EXT2: variants seen among roughly 807,000 people sequenced by gnomAD.
EXT2 encodes exostosin-2.
A neutral mutation model predicts 81.6 loss-of-function variants in EXT2; 53 were observed. That is an observed-to-expected ratio of 0.65 (90% CI 0.52 to 0.82). The LOEUF (loss-of-function observed/expected upper bound fraction) is 0.82. EXT2 is among the 40% of genes least tolerant of loss of function. The pLI is 0.00. For missense variants in EXT2, 774 were observed against 910.2 expected (o/e 0.85, Z 1.93); for synonymous variants, 320 against 340.0 (o/e 0.94, Z 0.65).
At chr11:44,125,720 G>A (rs899080117) in intron 5 of EXT2, among the ~76,000 whole-genome samples, 2 of 151,870 alleles carry the variant, frequency 1.3e-5, no homozygotes, top group East Asian at 3.9e-4. Flanking sequence ...GCCCATACTG[G>A]GATTGTAAAA....
In EXT2 at chr11:44,220,362, T is replaced by A. The variant is rs1165715078; in HGVS notation, c.1663-11991T>A. On this transcript the variant is annotated intron_variant, in intron 10 of 13. Coordinates refer to ENST00000533608, the MANE Select transcript of EXT2 (RefSeq NM_207122.2). This position sits in a 1 kb window ranked among gnomAD's most constrained non-coding sequence, Gnocchi z 4.4. ...CTGAGTAAGCAACAGTTCCCCCGAG[T>A]ACCTTTCCTTAGCCTGGCCATAATG... Among the ~76,000 whole-genome samples the A allele has an allele frequency of 6.6e-6, 1 of 152,186 alleles. No individual in the cohort carries two copies. The highest frequency in any genetic ancestry group is 1.5e-5 in the Non-Finnish European group (1 of 68,026).
Position 44,232,398 on chromosome 11 carries a change from C to T in EXT2, c.1708C>T (p.Leu570=), listed in dbSNP as rs1955909859. Residue 570 remains leucine, a synonymous_variant, in exon 11 of 14, where the codon CTG becomes TTG. Transcript: ENST00000533608. ...CCGGTTGGTGGGTTACCCGGGTCGTCTGCATCTCTGGGACCATGAGATGAA... is the reference window on the plus strand; with the variant it reads ...CCGGTTGGTGGGTTACCCGGGTCGTTTGCATCTCTGGGACCATGAGATGAA... The part of the protein sequence containing the change: ...PDRLVGYPGR[L]HLWDHEMNKW... 2 of 1,613,924 alleles carry T rather than the reference C, an allele frequency of 1.2e-6. No homozygotes were observed. The highest frequency in any genetic ancestry group is 2.7e-5 in the African/African-American group (2 of 74,904).
chr11:44,202,356 AT>A (rs1414016286), intron 9 of EXT2, among the ~76,000 whole-genome samples: 1 of 152,256 alleles, frequency 6.6e-6, no homozygotes, highest in Admixed American at 6.5e-5. Context: ...TCCATCCAGT[AT>A]AGAGGTACGT....
In EXT2 at chr11:44,206,588, TATATGTGTAC is replaced by T. The variant is rs534524430; in HGVS notation, c.1496-204_1496-195del. Reference sequence around the variant, plus strand: ...ATAGTATGTGTGTATATATGTTGTATATATGTGTACGTGCAGTATATATATTTTTTATTAT... The same window carrying T: ...ATAGTATGTGTGTATATATGTTGTATGTGCAGTATATATATTTTTTATTAT... On this transcript the variant is annotated intron_variant, in intron 9 of 13. Coordinates refer to ENST00000533608, the MANE Select transcript of EXT2 (RefSeq NM_207122.2). Among the ~76,000 whole-genome samples, 837 of 152,306 alleles carry T rather than the reference TATATGTGTAC, an allele frequency of 5.5e-3. 12 individuals carry two copies. Among genetic ancestry groups the T allele is most frequent in the African/African-American group, 0.019 (792 of 41,554 alleles).
intron 8 of EXT2, among the ~76,000 whole-genome samples, chr11:44,177,014 C>T (rs575394296): frequency 6.6e-6 from 1 of 151,716 alleles, no homozygotes; most frequent in South Asian, 2.1e-4. Flanking sequence ...TGCTTTGTCA[C>T]TCTTATCTGT....
rs962656321 is a variant in EXT2 at position 44,150,301 on chromosome 11, AC to A, written c.1173+20164del. Among the ~76,000 whole-genome samples the A allele has an allele frequency of 1.1e-4, 3 of 26,502 alleles. No individual in the cohort carries two copies. The Admixed American group carries it at 1.9e-3, about 17-fold the overall frequency. 17.4% of individuals were successfully genotyped at this position (26,502 alleles called of 152,430 possible). On this transcript the variant is annotated intron_variant, in intron 7 of 13. Transcript: ENST00000533608. Reference sequence around the variant, plus strand: ...CATAATTGTGTTTGTTAATATTAAAACTTTTTTTTTCCTTTTCACTACATAT... The same window carrying A: ...CATAATTGTGTTTGTTAATATTAAAATTTTTTTTTCCTTTTCACTACATAT...
intron 7 of EXT2, among the ~76,000 whole-genome samples, chr11:44,131,355 T>C: frequency 6.6e-6 from 1 of 152,196 alleles, no homozygotes; most frequent in East Asian, 1.9e-4. Flanking sequence ...GAACTTCTTA[T>C]CGACACAGAT....
chr11:44,099,697 C>A (rs1252443575), intron 1 of EXT2, among the ~76,000 whole-genome samples: 4 of 152,176 alleles, frequency 2.6e-5, no homozygotes, highest in Non-Finnish European at 5.9e-5. Context: ...CAGGAAAAAT[C>A]ACAACCAGTA....
chr11:44,121,068 T>G (rs1367997367), intron 4 of EXT2, among the ~76,000 whole-genome samples: 2 of 152,082 alleles, frequency 1.3e-5, no homozygotes, highest in South Asian at 4.2e-4. Flanking sequence ...GGACACATTT[T>G]TAGACTTGTT....
chr11:44,248,474 G>T lies in EXT2; in HGVS notation c.*4187G>T, dbSNP rs1956113798. 6.6e-6 allele frequency among the ~76,000 whole-genome samples: 1 copy of T among 152,270 alleles called. No homozygotes were observed. The highest frequency in any genetic ancestry group is 2.1e-4 in the South Asian group (1 of 4,818). ...ACCTCCTGTCCTCGGCCTGTGTTTG[G>T]TACTCACCCACTTTCTACTTCTGAG... On this transcript the variant is annotated 3_prime_UTR_variant, in exon 14 of 14. Coordinates refer to ENST00000533608, the MANE Select transcript of EXT2 (RefSeq NM_207122.2).
chr11:44,224,882 T>G (rs1291141359), intron 10 of EXT2, among the ~76,000 whole-genome samples: 2 of 152,198 alleles, frequency 1.3e-5, no homozygotes, highest in Non-Finnish European at 2.9e-5. Flanking sequence ...ACTTGAAATT[T>G]TGAAGGCCCA....
chr11:44,138,212 C>T (rs148835851), intron 7 of EXT2, among the ~76,000 whole-genome samples: 120 of 152,024 alleles, frequency 7.9e-4, no homozygotes, highest in African/African-American at 2.6e-3. Flanking sequence ...AAGGGAAGGA[C>T]GGTAACTAAC....
rs1458160278 is a variant in EXT2 at position 44,146,722 on chromosome 11, AGTTTT to A, written c.1173+16597_1173+16601del. ...AGTTTATTAAGCCTAATAAATGCTC[AGTTTT>A]GTTTTGTTTTGTGGTATCAATGGAA... On this transcript the variant is annotated intron_variant, in intron 7 of 13. Transcript: ENST00000533608. Among the ~76,000 whole-genome samples the A allele has an allele frequency of 2.0e-5, 3 of 152,288 alleles. No homozygotes were observed. In the South Asian group the frequency reaches 6.2e-4, roughly 32 times the overall value.
chr11:44,147,906 C>T (rs970923285), intron 7 of EXT2, among the ~76,000 whole-genome samples: 2 of 151,576 alleles, frequency 1.3e-5, no homozygotes, highest in East Asian at 3.9e-4. Flanking sequence ...TGGGATCCTC[C>T]CTATATTCAA....
chr11:44,124,749 C>G, intron 4 of EXT2, 40 bp from the exon 5 acceptor site: 1 of 1,586,932 alleles, frequency 6.3e-7, no homozygotes, highest in Non-Finnish European at 8.6e-7. Flanking sequence ...ACTAACATAC[C>G]AGCTGCAATT....
intron 5 of EXT2, among the ~76,000 whole-genome samples, chr11:44,125,252 C>T (rs555111112): frequency 2.0e-5 from 3 of 152,218 alleles, no homozygotes; most frequent in South Asian, 4.2e-4. Context: ...CTCATAGATT[C>T]GCAGACAAGC....
intron 8 of EXT2, 25 bp from the exon 9 acceptor site, chr11:44,197,803 AC>A (rs751813415): frequency 3.5e-5 from 57 of 1,613,022 alleles, no homozygotes; most frequent in Non-Finnish European, 4.6e-5. Context: ...TGCTTTTCTG[AC>A]CCGTGTTAAT....
At chr11:44,104,323 A>G (rs1011308379) in intron 1 of EXT2, among the ~76,000 whole-genome samples, 3 of 152,170 alleles carry the variant, frequency 2.0e-5, no homozygotes, top group African/African-American at 7.2e-5. Context: ...TGTTTTTTGA[A>G]GCTTTATTTA....
intron 3 of EXT2, among the ~76,000 whole-genome samples, chr11:44,110,389 C>A (rs113547313): frequency 2.0e-5 from 3 of 152,136 alleles, no homozygotes; most frequent in Non-Finnish European, 4.4e-5. Context: ...CCGTTTTGGA[C>A]GATAGAGGGC....
Sources: gnomAD v4.1 joint callset for allele counts (sites outside exome capture counted in the v4.1 genomes callset) on GRCh38, gnomAD v4.1.1 for gene constraint, Gnocchi (gnomAD v3.1) non-coding constraint, MANE v1.5 for transcripts, NCBI Gene and HGNC (gene_info 2026-07-23, HGNC 2026-07-21) for gene names.